DCT: variants seen among roughly 807,000 people sequenced by gnomAD.
DCT encodes dopachrome tautomerase.
A neutral mutation model predicts 53.0 loss-of-function variants in DCT; 47 were observed. The ratio of observed to expected loss-of-function variants is 0.89; its 90% CI spans 0.70 to 1.13. DCT has a LOEUF of 1.13. Among genes scored for constraint, DCT ranks in the 50% most tolerant of loss-of-function variants. The pLI is 0.00. For synonymous variants in DCT, 244 were observed against 237.0 expected (o/e 1.03, Z -0.27); for missense variants, 669 against 637.4 (o/e 1.05, Z -0.53).
chr13:94,479,216 C>A lies in DCT; in HGVS notation c.40G>T (p.Gly14Cys). 6.2e-7 allele frequency: 1 copy of A among 1,605,456 alleles called. No individual in the cohort carries two copies. The highest frequency in any genetic ancestry group is 8.5e-7 in the Non-Finnish European group (1 of 1,173,046). The part of the protein sequence containing the change: ...LWWGFLLSCL[G>C]CKILPGAQGQ... Reference sequence around the variant, plus strand: ...TGGGCTCCTGGCAGGATTTTGCAGCCCAAGCAACTGAGCAGAAACCCCCAC... The same window carrying A: ...TGGGCTCCTGGCAGGATTTTGCAGCACAAGCAACTGAGCAGAAACCCCCAC... The change falls in exon 1 of 8, where the codon GGC becomes TGC. Residue 14 changes from glycine to cysteine, a missense_variant. Coordinates refer to ENST00000377028, the MANE Select transcript of DCT (RefSeq NM_001922.5).
the DCT span, among the ~76,000 whole-genome samples, chr13:94,532,852 A>G: frequency 6.6e-6 from 1 of 152,212 alleles, no homozygotes; most frequent in African/African-American, 2.4e-5. Flanking sequence ...TGCTTGGGAA[A>G]TGCTAATTTT....
At chr13:94,511,648 C>T in the DCT span, among the ~76,000 whole-genome samples, 1 of 152,288 alleles carries the variant, frequency 6.6e-6, no homozygotes, top group Non-Finnish European at 1.5e-5. Context: ...GCGTGAGCCA[C>T]CGCATCCGGC....
intron 6 of DCT, among the ~76,000 whole-genome samples, chr13:94,457,485 T>C (rs976468410): frequency 2.6e-5 from 4 of 152,202 alleles, no homozygotes; most frequent in Non-Finnish European, 5.9e-5. Context: ...AACTGTGGGA[T>C]ATAAATTTCT....
At chr13:94,475,917 T>TA (rs1458794695) in intron 1 of DCT, among the ~76,000 whole-genome samples, 2 of 152,118 alleles carry the variant, frequency 1.3e-5, no homozygotes, top group Non-Finnish European at 2.9e-5. Context: ...AAGTTACCTT[T>TA]AAAAAAATGT....
At chr13:94,489,550 T>G in the DCT span, among the ~76,000 whole-genome samples, 2 of 152,212 alleles carry the variant, frequency 1.3e-5, no homozygotes, top group Non-Finnish European at 1.5e-5. Flanking sequence ...CACATTTTTA[T>G]TACTTCCATT....
chr13:94,493,558 T>C, the DCT span, among the ~76,000 whole-genome samples: 1 of 152,216 alleles, frequency 6.6e-6, no homozygotes, highest in African/African-American at 2.4e-5. Flanking sequence ...TGCAGTATAT[T>C]ATACATCAGT....
At chr13:94,448,675 G>A (rs2139291711) in intron 6 of DCT, among the ~76,000 whole-genome samples, 1 of 152,224 alleles carries the variant, frequency 6.6e-6, no homozygotes, top group Non-Finnish European at 1.5e-5. Flanking sequence ...GACTGAGGTG[G>A]GAGGATCACC....
chr13:94,505,129 A>G, the DCT span, among the ~76,000 whole-genome samples: 558 of 151,632 alleles, frequency 3.7e-3, 3 homozygotes, highest in African/African-American at 0.013. Flanking sequence ...CTCTTTTGTC[A>G]CAGAAATACT....
intron 6 of DCT, among the ~76,000 whole-genome samples, chr13:94,451,213 TTGAATAAGTAAATG>T (rs1883064798): frequency 6.6e-6 from 1 of 152,160 alleles, no homozygotes; most frequent in Admixed American, 6.5e-5. Context: ...AAAACTAGTA[TTGAATAAGTAAATG>T]TGACATTTAA....
chr13:94,510,380 A>G, the DCT span, among the ~76,000 whole-genome samples: 1 of 151,332 alleles, frequency 6.6e-6, no homozygotes, highest in East Asian at 2.0e-4. Context: ...TGTCCACCAC[A>G]GTGACCACAT....
At chr13:94,443,668 T>C (rs1312792606) in intron 6 of DCT, 31 bp from the exon 7 acceptor site, 2 of 1,552,346 alleles carry the variant, frequency 1.3e-6, no homozygotes, top group Middle Eastern at 1.8e-4. Context: ...GCATTTAACA[T>C]AAATCAGTCT....
chr13:94,449,836 G>A (rs1168249560), intron 6 of DCT, among the ~76,000 whole-genome samples: 1 of 151,068 alleles, frequency 6.6e-6, no homozygotes, highest in African/African-American at 2.5e-5. Flanking sequence ...TAATAGGCAT[G>A]AAATAGTTAA....
At chr13:94,448,243 TCAACAACAA>T (rs527876661) in intron 6 of DCT, among the ~76,000 whole-genome samples, 10 of 151,754 alleles carry the variant, frequency 6.6e-5, no homozygotes, top group Non-Finnish European at 1.2e-4. Context: ...AGATACTGTC[TCAACAACAA>T]CAACAACAAC....
the DCT span, among the ~76,000 whole-genome samples, chr13:94,527,983 G>A: frequency 1.3e-5 from 2 of 152,158 alleles, no homozygotes; most frequent in African/African-American, 2.4e-5. Flanking sequence ...CGAGAACTTC[G>A]TGACGCATGC....
the DCT span, among the ~76,000 whole-genome samples, chr13:94,495,257 TG>T: frequency 5.5e-4 from 83 of 152,182 alleles, no homozygotes; most frequent in Non-Finnish European, 9.1e-4. Flanking sequence ...CCACCACACC[TG>T]GCTAATTTTT....
intron 1 of DCT, among the ~76,000 whole-genome samples, chr13:94,470,114 A>G (rs2139355567): frequency 6.6e-6 from 1 of 152,230 alleles, no homozygotes; most frequent in Non-Finnish European, 1.5e-5. Context: ...AGAGAAAGAA[A>G]GAGAGAGAGA....
the DCT span, among the ~76,000 whole-genome samples, chr13:94,535,772 G>A: frequency 6.6e-6 from 1 of 152,334 alleles, no homozygotes; most frequent in East Asian, 1.9e-4. Context: ...AGCAAAGACA[G>A]AAAATTCTGA....
At chr13:94,521,398 C>T in the DCT span, among the ~76,000 whole-genome samples, 1 of 152,150 alleles carries the variant, frequency 6.6e-6, no homozygotes, top group Admixed American at 6.5e-5. Context: ...TGGCCGGGCA[C>T]GGTGGCTCAC....
intron 7 of DCT, among the ~76,000 whole-genome samples, chr13:94,443,229 A>T (rs915833343): frequency 2.7e-5 from 4 of 149,772 alleles, no homozygotes; most frequent in African/African-American, 1.0e-4. Flanking sequence ...AACAAGAGTC[A>T]GCTCATTAGT....
Sources: gnomAD v4.1 joint callset for allele counts (sites outside exome capture counted in the v4.1 genomes callset) on GRCh38, gnomAD v4.1.1 for gene constraint, MANE v1.5 for transcripts, NCBI Gene and HGNC (gene_info 2026-07-23, HGNC 2026-07-21) for gene names.